ARL17A: variants seen among roughly 807,000 people sequenced by gnomAD.
ARL17A encodes ARF like GTPase 17A, also known as ADP-ribosylation factor-like 17-like.
rs2057109021 is a variant in ARL17A at position 46,554,084 on chromosome 17, A to T, written c.*3272T>A. ...CCCTGGATCCTAGAACTGAGGAAAC[A>T]CTATTTTCTCATCTTACTGGTTTTT... On this transcript the variant is annotated 3_prime_UTR_variant, in exon 4 of 4. Transcript: ENST00000336125. 2 of 983,920 alleles carry T rather than the reference A, an allele frequency of 2.0e-6. No homozygotes were observed. The highest frequency in any genetic ancestry group is 3.8e-5 in the African/African-American group (2 of 53,038). 60.9% of individuals were successfully genotyped at this position (983,920 alleles called of 1,614,324 possible).
the ARL17A span, among the ~76,000 whole-genome samples, chr17:46,501,456 T>A: frequency 1.4e-4 from 21 of 151,366 alleles, no homozygotes; most frequent in Non-Finnish European, 2.4e-4. Context: ...ACTACAGGTG[T>A]GGGCCACCAC....
Position 46,542,593 on chromosome 17 carries a change from C to A in ARL17A, c.260-4167G>T, listed in dbSNP as rs1030817027. The stretch of plus-strand genomic sequence containing the variant: ...GCCTGTAGTCCCAGCTACTAGGGAA[C>A]CTGAGTCAGGAGGATCACTTGAACC... On this transcript the variant is annotated intron_variant, in intron 3 of 4. Coordinates refer to the ARL17A transcript ENST00000329240. Among the ~76,000 whole-genome samples, 86 of 149,850 alleles carry A rather than the reference C, an allele frequency of 5.7e-4. 8 individuals carry two copies. The highest frequency in any genetic ancestry group is 2.1e-3 in the African/African-American group (82 of 39,428).
rs903829246 is a variant in ARL17A, at chr17:46,532,189, A to G, written c.336-3330T>C. On this transcript the variant is annotated intron_variant, in intron 4 of 4. Transcript: ENST00000329240. ...GCTGGGATTACAGGCATGAGCTACC[A>G]TGCCCAGCCAATAAATGAAAACTTT... Among the ~76,000 whole-genome samples, 342 of 149,066 alleles carry G rather than the reference A, an allele frequency of 2.3e-3. 28 individuals are homozygous for G. Among genetic ancestry groups the G allele is most frequent in the African/African-American group, 8.5e-3 (332 of 39,094 alleles).
chr17:46,568,464 T>A (rs2057571597), intron 3 of ARL17A, among the ~76,000 whole-genome samples: 1 of 100,630 alleles, frequency 9.9e-6, no homozygotes, highest in African/African-American at 4.3e-5. Context: ...AATAAAGTAA[T>A]CAACCAAATC....
At chr17:46,541,042 AACC>A (rs2055217242) in intron 3 of ARL17A, among the ~76,000 whole-genome samples, 2 of 129,088 alleles carry the variant, frequency 1.5e-5, no homozygotes, top group African/African-American at 3.7e-5. Context: ...ATAGTTACAT[AACC>A]ACCACCACAT....
At chr17:46,525,602 T>TAATAATAATAATA (rs1346950818), downstream of ARL17A, among the ~76,000 whole-genome samples, 29 of 103,192 alleles carry the variant, frequency 2.8e-4, 1 homozygote, top group African/African-American at 4.2e-4. Flanking sequence ...ATAATAATAA[T>TAATAATAATAATA]ATAATAATAA....
At chr17:46,558,887 A>G (rs1442248470) in intron 3 of ARL17A, 1 of 90,536 alleles carries the variant, frequency 1.1e-5, no homozygotes, top group African/African-American at 5.3e-5. Context: ...TTTGTTGCCC[A>G]GGCTGGTTTT....
At chr17:46,501,456 T>TGG in the ARL17A span, among the ~76,000 whole-genome samples, 1 of 151,254 alleles carries the variant, frequency 6.6e-6, no homozygotes, top group Admixed American at 6.6e-5. Context: ...ACTACAGGTG[T>TGG]GGGCCACCAC....
chr17:46,550,649 G>A (rs2056686548), downstream of ARL17A: 1 of 681,098 alleles, frequency 1.5e-6, no homozygotes, highest in South Asian at 1.5e-5. Flanking sequence ...AGTCATTTAA[G>A]GCTGAGGTGT....
chr17:46,541,145 C>T (rs1426929711), intron 3 of ARL17A, among the ~76,000 whole-genome samples: 3 of 136,452 alleles, frequency 2.2e-5, no homozygotes, highest in African/African-American at 9.4e-5. Context: ...CCCCTGTTAG[C>T]TACTAATCTG....
Position 46,544,798 on chromosome 17 carries a change from G to A in ARL17A, c.260-6372C>T, listed in dbSNP as rs1476256641. Among the ~76,000 whole-genome samples, 7 of 112,868 alleles carry A rather than the reference G, an allele frequency of 6.2e-5. No individual in the cohort carries two copies. In the East Asian group the frequency reaches 9.5e-4, roughly 15 times the overall value. 74.0% of individuals were successfully genotyped at this position (112,868 alleles called of 152,430 possible). A position where few individuals can be genotyped will look rare whatever the true frequency, so the allele number is the denominator to read the frequency against. ...GGTCACCTCTTTTGCCCAAATTTAC[G>A]TATTGGAAAAAATTCAAACAAGCCA... is the stretch of plus-strand genomic sequence containing the variant. On this transcript the variant is annotated intron_variant, in intron 3 of 4. Transcript: ENST00000329240.
intron 3 of ARL17A, among the ~76,000 whole-genome samples, chr17:46,541,786 G>C (rs932730985): frequency 1.3e-5 from 2 of 150,986 alleles, no homozygotes; most frequent in African/African-American, 5.0e-5. Context: ...GGTACTTAGA[G>C]TATACCTGAG....
chr17:46,560,305 T>G (rs2057485967), intron 3 of ARL17A: 1 of 11,510 alleles, frequency 8.7e-5, no homozygotes, highest in Non-Finnish European at 1.9e-4. Flanking sequence ...CACATAGTGC[T>G]AAGTATTTGG....
At position 46,558,280 on chromosome 17, in the gene ARL17A, G is replaced by A. The variant is rs1451289606; in HGVS notation, c.260-650C>T. Among the ~76,000 whole-genome samples, 46 of 108,390 alleles carry A rather than the reference G, an allele frequency of 4.2e-4. 2 individuals carry two copies. The highest frequency in any genetic ancestry group is 3.6e-3 in the Admixed American group (39 of 10,884). The allele number at this position is 108,390 out of a possible 152,430, so 71.1% of individuals were successfully genotyped here. A position where few individuals can be genotyped will look rare whatever the true frequency, so the allele number is the denominator to read the frequency against. On this transcript the variant is annotated intron_variant, in intron 3 of 3. Coordinates refer to ENST00000336125, the MANE Select transcript of ARL17A (RefSeq NM_001113738.2). ...TCACCATGTTGGTCAGGCTGGTCTC[G>A]AACTCCTGACCTCAGGTAATCCACC... is the stretch of plus-strand genomic sequence containing the variant.
downstream of ARL17A, among the ~76,000 whole-genome samples, chr17:46,551,375 C>A (rs1400516396): frequency 6.6e-6 from 1 of 150,614 alleles, no homozygotes. Flanking sequence ...CGCTATGCCA[C>A]CAGTCCAACC....
At chr17:46,534,713 C>T (rs1473106785) in intron 4 of ARL17A, among the ~76,000 whole-genome samples, 1 of 150,124 alleles carries the variant, frequency 6.7e-6, no homozygotes. Flanking sequence ...CTGTTGGGTA[C>T]ACCTCCCAGA....
chr17:46,558,444 C>T (rs1275000525), intron 3 of ARL17A, among the ~76,000 whole-genome samples: 1 of 113,890 alleles, frequency 8.8e-6, no homozygotes. Context: ...TGGAGTGCAG[C>T]AGCGTGATCT....
intron 3 of ARL17A, among the ~76,000 whole-genome samples, chr17:46,520,988 T>A (rs2052204229): frequency 1.2e-5 from 1 of 81,496 alleles, no homozygotes; most frequent in African/African-American, 3.6e-5. Context: ...AATAGACTGG[T>A]ATTAAGGATT....
At chr17:46,502,567 G>A in the ARL17A span, among the ~76,000 whole-genome samples, 2 of 151,200 alleles carry the variant, frequency 1.3e-5, no homozygotes, top group African/African-American at 4.9e-5. Context: ...CTCCCAAAGT[G>A]CTGGGATTAC....
Sources: allele counts gnomAD v4.1 joint callset (sites outside exome capture counted in the v4.1 genomes callset), GRCh38; gene constraint gnomAD v4.1.1; transcripts MANE v1.5; gene names NCBI Gene and HGNC (gene_info 2026-07-23, HGNC 2026-07-21).